The following FGF12 variants were observed in gnomAD, a reference collection of about 807,000 sequenced individuals.
FGF12 encodes fibroblast growth factor 12, also known as fibroblast growth factor 12B.
A neutral mutation model predicts 23.6 loss-of-function variants in FGF12; 14 were observed. The ratio of observed to expected loss-of-function variants is 0.59; its 90% CI spans 0.39 to 0.93. FGF12 has a LOEUF of 0.93. Ranked by LOEUF, FGF12 falls within the 40% of genes least tolerant of loss-of-function variation. The pLI is 0.00. For missense variants in FGF12, 175 were observed against 217.8 expected, an observed-to-expected ratio of 0.80 and a Z score of 1.24; for synonymous variants, 62 against 77.3, an observed-to-expected ratio of 0.80 and a Z score of 1.04.
At position 192,408,317 on chromosome 3, in the gene FGF12, A is replaced by T; in HGVS notation, c.14-47779T>A. ...GGGCAGGACCTGGGCGGCCAGGGAA[A>T]GGGCAGTCGCGGGGAGGCAGTGCTA... On this transcript the variant is annotated intron_variant, in intron 2 of 5. Transcript: ENST00000445105. The surrounding 1 kb of genome is among the most constrained non-coding windows in gnomAD (Gnocchi z 7.3). 2.1e-6 allele frequency: 3 copies of T among 1,444,396 alleles called. No individual in the cohort carries two copies. Among genetic ancestry groups the T allele is most frequent in the Non-Finnish European group, 2.7e-6 (3 of 1,104,036 alleles). The allele number at this position is 1,444,396 out of a possible 1,614,324, so 89.5% of individuals were successfully genotyped here.
intron 4 of FGF12, among the ~76,000 whole-genome samples, chr3:192,258,547 A>G (rs1712551941): frequency 1.3e-5 from 2 of 152,228 alleles, no homozygotes; most frequent in African/African-American, 4.8e-5. Flanking sequence ...AAGCATAAGC[A>G]GTATGTAGTT....
At chr3:192,544,206 A>C (rs1457346221) in intron 2 of FGF12, among the ~76,000 whole-genome samples, 1 of 152,054 alleles carries the variant, frequency 6.6e-6, no homozygotes, top group African/African-American at 2.4e-5. Context: ...CCCTCTTCCA[A>C]GCACACAGAT....
chr3:192,203,531 G>A (rs1417973744), intron 4 of FGF12, among the ~76,000 whole-genome samples: 1 of 151,060 alleles, frequency 6.6e-6, no homozygotes, highest in African/African-American at 2.4e-5. Flanking sequence ...TCTAATAAAT[G>A]AGTCAGCTTA....
chr3:192,286,989 A>G (rs1344532171), intron 4 of FGF12, among the ~76,000 whole-genome samples: 1 of 152,074 alleles, frequency 6.6e-6, no homozygotes, highest in Non-Finnish European at 1.5e-5. Context: ...AAACTTATAA[A>G]AAAGCCAAAA....
intron 2 of FGF12, among the ~76,000 whole-genome samples, chr3:192,630,532 A>G (rs903288500): frequency 6.8e-6 from 1 of 147,124 alleles, no homozygotes; most frequent in Non-Finnish European, 1.5e-5. Flanking sequence ...TGTGTGACAC[A>G]TTGTTGCTAT....
At chr3:192,190,008 T>C (rs548342235) in intron 4 of FGF12, among the ~76,000 whole-genome samples, 3 of 152,308 alleles carry the variant, frequency 2.0e-5, no homozygotes, top group Admixed American at 2.0e-4. Context: ...TGTCCACTTT[T>C]TAATGGATCA....
chr3:192,205,306 ACTTT>A (rs1553849735), intron 4 of FGF12, among the ~76,000 whole-genome samples: 5 of 152,290 alleles, frequency 3.3e-5, no homozygotes, highest in Admixed American at 6.5e-5. Flanking sequence ...CCTTTATAGC[ACTTT>A]CTAAGAGATT....
At chr3:192,625,326 G>A (rs1715128232) in intron 2 of FGF12, among the ~76,000 whole-genome samples, 1 of 152,060 alleles carries the variant, frequency 6.6e-6, no homozygotes. Flanking sequence ...AGTCAATAGA[G>A]TGTGTTATAA....
intron 2 of FGF12, among the ~76,000 whole-genome samples, chr3:192,594,436 A>C (rs548708340): frequency 3.6e-4 from 54 of 152,014 alleles, no homozygotes; most frequent in African/African-American, 1.3e-3. Flanking sequence ...CAGGCCTTGG[A>C]AATAAGACAA....
At chr3:192,374,060 T>C (rs1719364136) in intron 2 of FGF12, among the ~76,000 whole-genome samples, 1 of 152,362 alleles carries the variant, frequency 6.6e-6, no homozygotes, top group South Asian at 2.1e-4. Flanking sequence ...GCATGATTTG[T>C]CAACAAATAA....
At chr3:192,306,211 A>G (rs771431668) in intron 4 of FGF12, among the ~76,000 whole-genome samples, 3 of 152,154 alleles carry the variant, frequency 2.0e-5, no homozygotes, top group African/African-American at 7.2e-5. Context: ...TTCTGAATGC[A>G]CATTTTTGTT....
intron 2 of FGF12, among the ~76,000 whole-genome samples, chr3:192,429,648 A>G (rs538847451): frequency 1.3e-5 from 2 of 152,344 alleles, no homozygotes; most frequent in African/African-American, 4.8e-5. Flanking sequence ...CTGGTTAGAT[A>G]TTAATGCACT....
intron 4 of FGF12, among the ~76,000 whole-genome samples, chr3:192,282,377 C>T (rs1448777454): frequency 1.3e-5 from 2 of 152,066 alleles, no homozygotes; most frequent in South Asian, 2.1e-4. Flanking sequence ...CACAACATGC[C>T]CCCTTATTAC....
chr3:192,681,065 T>A (rs1161708007), intron 2 of FGF12, among the ~76,000 whole-genome samples: 7 of 152,256 alleles, frequency 4.6e-5, no homozygotes, highest in Non-Finnish European at 1.0e-4. Flanking sequence ...AAACATTTTA[T>A]TTATTCAATA....
intron 2 of FGF12, among the ~76,000 whole-genome samples, chr3:192,547,434 A>T (rs1279401059): frequency 2.0e-5 from 3 of 152,192 alleles, no homozygotes; most frequent in Admixed American, 6.5e-5. Flanking sequence ...CTGCTTCTGC[A>T]ATAAACTCCC....
At chr3:192,277,260 T>G (rs2108635356) in intron 4 of FGF12, among the ~76,000 whole-genome samples, 1 of 152,310 alleles carries the variant, frequency 6.6e-6, no homozygotes, top group African/African-American at 2.4e-5. Context: ...ATCTCAAGTT[T>G]ATTCAGATTT....
At chr3:192,196,141 A>G (rs926306303) in intron 4 of FGF12, among the ~76,000 whole-genome samples, 2 of 152,162 alleles carry the variant, frequency 1.3e-5, no homozygotes, top group African/African-American at 2.4e-5. Context: ...CTTATGTCAC[A>G]TAATATAATA....
At chr3:192,427,718 C>T (rs1476076956) in intron 2 of FGF12, among the ~76,000 whole-genome samples, 1 of 152,106 alleles carries the variant, frequency 6.6e-6, no homozygotes, top group African/African-American at 2.4e-5. Context: ...TACTGAGAGG[C>T]TCTTGAAGTG....
chr3:192,566,680 TG>T (rs1429248806), intron 2 of FGF12, among the ~76,000 whole-genome samples: 4 of 152,320 alleles, frequency 2.6e-5, no homozygotes, highest in African/African-American at 9.6e-5. Context: ...ATATTTCAAA[TG>T]GTATTTCCAA....
Sources: gnomAD v4.1 joint callset for allele counts (sites outside exome capture counted in the v4.1 genomes callset) on GRCh38, gnomAD v4.1.1 for gene constraint, Gnocchi (gnomAD v3.1) non-coding constraint, MANE v1.5 for transcripts, NCBI Gene and HGNC (gene_info 2026-07-23, HGNC 2026-07-21) for gene names.